The following ADARB1 variants were observed in gnomAD, a reference collection of about 807,000 sequenced individuals.
ADARB1 encodes the protein double-stranded RNA-specific editase 1.
A neutral mutation model predicts 52.4 loss-of-function variants in ADARB1; 10 were observed. The ratio of observed to expected loss-of-function variants is 0.19; its 90% CI spans 0.12 to 0.32. The LOEUF is 0.32. Among genes scored for constraint, ADARB1 ranks in the 10% least tolerant of loss-of-function variants. ADARB1 has a pLI of 1.00. For synonymous variants in ADARB1, 349 were observed against 371.1 expected, an observed-to-expected ratio of 0.94 and a Z score of 0.68; for missense variants, 643 against 922.3, an observed-to-expected ratio of 0.70 and a Z score of 3.92.
At chr21:45,178,229 C>T (rs2091779876) in intron 4 of ADARB1, among the ~76,000 whole-genome samples, 2 of 152,338 alleles carry the variant, frequency 1.3e-5, no homozygotes, top group South Asian at 4.1e-4. Context: ...CCTGGCTTGG[C>T]TGTGCGCCTG....
At chr21:45,087,084 G>T (rs1413161537) in intron 1 of ADARB1, among the ~76,000 whole-genome samples, 1 of 152,210 alleles carries the variant, frequency 6.6e-6, no homozygotes. Context: ...CTTACCGGGT[G>T]TTTGATGTTT....
At chr21:45,118,665 G>A (rs895953938) in intron 1 of ADARB1, 1 of 152,212 alleles carries the variant, frequency 6.6e-6, no homozygotes, top group Non-Finnish European at 1.5e-5. Flanking sequence ...TGGGCTTCAT[G>A]TCCTGACGGT....
At chr21:45,206,852 G>C (rs1171255308) in intron 9 of ADARB1, among the ~76,000 whole-genome samples, 2 of 152,154 alleles carry the variant, frequency 1.3e-5, no homozygotes, top group Non-Finnish European at 1.5e-5. Context: ...AGGATTACAG[G>C]CGTGAGCCAC....
intron 1 of ADARB1, among the ~76,000 whole-genome samples, chr21:45,125,948 A>G (rs2088552551): frequency 6.6e-6 from 1 of 152,212 alleles, no homozygotes; most frequent in African/African-American, 2.4e-5. Context: ...TAGCTTGAGC[A>G]CCGAGCTATA....
rs1395288183 is a variant in ADARB1 at position 45,224,636 on chromosome 21, G to A, written c.*2439G>A. On this transcript the variant is annotated 3_prime_UTR_variant, in exon 11 of 11. Coordinates refer to ENST00000348831, the MANE Select transcript of ADARB1 (RefSeq NM_001112.4). ...GAGTTGGGTTCAGGGAGCCCTGGGC[G>A]GGGTGGCTGTCAGGGGGAACTGGGT... 4 of 932,770 alleles carry A rather than the reference G, an allele frequency of 4.3e-6. No individual in the cohort carries two copies. Among genetic ancestry groups the A allele is most frequent in the Non-Finnish European group, 2.5e-6 (2 of 793,844 alleles). The allele number at this position is 932,770 out of a possible 1,614,324, so 57.8% of individuals were successfully genotyped here. A position where few individuals can be genotyped will look rare whatever the true frequency, so the allele number is the denominator to read the frequency against.
At chr21:45,162,896 A>T (rs2091049496) in intron 2 of ADARB1, among the ~76,000 whole-genome samples, 1 of 152,060 alleles carries the variant, frequency 6.6e-6, no homozygotes, top group Non-Finnish European at 1.5e-5. Context: ...CAGACACTTC[A>T]GACCCAGATG....
chr21:45,134,721 T>C (rs747376752), intron 2 of ADARB1: 4 of 499,908 alleles, frequency 8.0e-6, no homozygotes, highest in African/African-American at 2.1e-5. Flanking sequence ...CAAGATGAAA[T>C]TGAAATGGCC....
At chr21:45,171,324 G>C (rs2091473106) in intron 2 of ADARB1, among the ~76,000 whole-genome samples, 2 of 152,130 alleles carry the variant, frequency 1.3e-5, no homozygotes, top group South Asian at 4.1e-4. Context: ...TCCCTTGCTG[G>C]GACCTGGTCC....
At chr21:45,162,392 C>T (rs1035105174) in intron 2 of ADARB1, among the ~76,000 whole-genome samples, 1 of 152,196 alleles carries the variant, frequency 6.6e-6, no homozygotes, top group Admixed American at 6.5e-5. Flanking sequence ...CTCACTCACA[C>T]ACCCCTTGCC....
chr21:45,157,565 A>G lies in ADARB1; in HGVS notation c.-47-14045A>G, dbSNP rs995678129. On this transcript the variant is annotated intron_variant, in intron 2 of 10. Transcript: ENST00000348831. This position sits in a 1 kb window ranked among gnomAD's most constrained non-coding sequence, Gnocchi z 4.1. The stretch of plus-strand genomic sequence containing the variant: ...CTCTGACCTGTGATTTTGTTGCTGG[A>G]TGTCTCCTTCAGCAGTTCATGTGGC... 1.3e-5 allele frequency among the ~76,000 whole-genome samples: 2 copies of G among 152,124 alleles called. No homozygotes were observed. The highest frequency in any genetic ancestry group is 2.9e-5 in the Non-Finnish European group (2 of 68,018).
At chr21:45,147,913 T>C (rs1601596247) in intron 2 of ADARB1, among the ~76,000 whole-genome samples, 1 of 151,982 alleles carries the variant, frequency 6.6e-6, no homozygotes. Flanking sequence ...ACTTCTCCTC[T>C]GTCACCGAGA....
Position 45,157,003 on chromosome 21 carries a change from A to G in ADARB1, c.-47-14607A>G, listed in dbSNP as rs2090691511. ...TGCCAGGAGAGGGGCCCAAGTAAGG[A>G]AAGTTGAACCCCCAGTGGACAGCAG... On this transcript the variant is annotated intron_variant, in intron 2 of 10. Coordinates refer to ENST00000348831, the MANE Select transcript of ADARB1 (RefSeq NM_001112.4). The surrounding 1 kb of genome is among the most constrained non-coding windows in gnomAD (Gnocchi z 4.1). Among the ~76,000 whole-genome samples, 1 of 152,214 alleles carries G rather than the reference A, an allele frequency of 6.6e-6. No individual in the cohort carries two copies. The highest frequency in any genetic ancestry group is 1.5e-5 in the Non-Finnish European group (1 of 68,026).
chr21:45,116,668 C>T (rs956412045), intron 1 of ADARB1, among the ~76,000 whole-genome samples: 1 of 152,210 alleles, frequency 6.6e-6, no homozygotes, highest in Admixed American at 6.5e-5. Context: ...ACACATCATT[C>T]TTCACATGGC....
intron 1 of ADARB1, among the ~76,000 whole-genome samples, chr21:45,086,572 A>AAGC (rs1180571622): frequency 1.3e-5 from 2 of 152,206 alleles, no homozygotes; most frequent in African/African-American, 4.8e-5. Context: ...ATTTCATGGG[A>AAGC]AGCAGCTCAT....
At chr21:45,081,322 A>G (rs1261696801) in intron 1 of ADARB1, among the ~76,000 whole-genome samples, 1 of 152,220 alleles carries the variant, frequency 6.6e-6, no homozygotes, top group Non-Finnish European at 1.5e-5. Context: ...GACCCGGCTT[A>G]TGATGGTTCC....
chr21:45,158,464 G>A (rs1187992483), intron 2 of ADARB1, among the ~76,000 whole-genome samples: 1 of 152,210 alleles, frequency 6.6e-6, no homozygotes, highest in Admixed American at 6.5e-5. Flanking sequence ...TGTTGTAGTA[G>A]TGATAATAGG....
intron 9 of ADARB1, among the ~76,000 whole-genome samples, chr21:45,206,610 A>G (rs908672107): frequency 2.0e-5 from 2 of 98,000 alleles, no homozygotes; most frequent in African/African-American, 8.1e-5. Flanking sequence ...GTCTTGCTCT[A>G]TTGCCCAGGC....
Position 45,139,487 on chromosome 21 carries a change from C to A in ADARB1, c.-48+10914C>A, listed in dbSNP as rs1355644454. The stretch of plus-strand genomic sequence containing the variant: ...TTTTTGGCTCCGTTTTCTCTTTTTC[C>A]CATATTCTTGCCTGGCATGGAGTGG... On this transcript the variant is annotated intron_variant, in intron 2 of 10. Transcript: ENST00000348831. Among the ~76,000 whole-genome samples the A allele has an allele frequency of 2.0e-5, 3 of 151,926 alleles. No homozygotes were observed. The East Asian group carries it at 5.8e-4, about 29-fold the overall frequency.
chr21:45,143,007 G>A (rs1013579996), intron 2 of ADARB1, among the ~76,000 whole-genome samples: 3 of 152,208 alleles, frequency 2.0e-5, no homozygotes, highest in Non-Finnish European at 2.9e-5. Context: ...AGTAGCAGCC[G>A]TGTCCAGCCT....
Sources: allele counts gnomAD v4.1 joint callset (sites outside exome capture counted in the v4.1 genomes callset), GRCh38; gene constraint gnomAD v4.1.1; non-coding constraint Gnocchi (gnomAD v3.1); transcripts MANE v1.5; gene names NCBI Gene and HGNC (gene_info 2026-07-23, HGNC 2026-07-21).